The following GALNT13 variants were observed in gnomAD, a reference collection of about 807,000 sequenced individuals.
The protein encoded by GALNT13 is UDP-GalNAc:polypeptide N-acetylgalactosaminyltransferase 13.
A neutral mutation model predicts 64.2 loss-of-function variants in GALNT13; 28 were observed. The ratio of observed to expected loss-of-function variants is 0.44; its 90% CI spans 0.32 to 0.60. GALNT13 has a LOEUF of 0.60. Ranked by LOEUF, GALNT13 falls within the 20% of genes least tolerant of loss-of-function variation. The pLI is 0.05. For synonymous variants in GALNT13, 214 were observed against 224.6 expected (o/e 0.95, Z 0.42); for missense variants, 577 against 669.8 (o/e 0.86, Z 1.53).
At chr2:154,289,021 A>G (rs1043227389) in intron 8 of GALNT13, among the ~76,000 whole-genome samples, 2 of 152,150 alleles carry the variant, frequency 1.3e-5, no homozygotes, top group African/African-American at 4.8e-5. Context: ...TGAGGGCTGC[A>G]CCCCTGTAGC....
At chr2:153,103,267 CCTT>C in the GALNT13 span, among the ~76,000 whole-genome samples, 3,736 of 152,282 alleles carry the variant, frequency 0.025, 153 homozygotes, top group African/African-American at 0.086. Context: ...CGCACACTGT[CCTT>C]CTTTCTGTTC....
At chr2:153,470,456 C>T in the GALNT13 span, among the ~76,000 whole-genome samples, 1 of 152,060 alleles carries the variant, frequency 6.6e-6, no homozygotes, top group Non-Finnish European at 1.5e-5. Flanking sequence ...CCAGAGTTCT[C>T]CCAGGAAAAA....
At chr2:153,952,562 C>T (rs975988740) in intron 3 of GALNT13, among the ~76,000 whole-genome samples, 10 of 152,060 alleles carry the variant, frequency 6.6e-5, no homozygotes, top group Admixed American at 3.3e-4. Context: ...TTAGAAACTC[C>T]GGAGGTTTCT....
the GALNT13 span, among the ~76,000 whole-genome samples, chr2:153,802,912 G>A: frequency 2.0e-5 from 3 of 152,244 alleles, no homozygotes; most frequent in Non-Finnish European, 4.4e-5. Flanking sequence ...AACAGAGGAA[G>A]AGAGGATGCA....
the GALNT13 span, among the ~76,000 whole-genome samples, chr2:153,242,437 C>T: frequency 6.6e-6 from 1 of 152,194 alleles, no homozygotes; most frequent in African/African-American, 2.4e-5. Context: ...TACTATATCT[C>T]TTTGAGACAC....
In GALNT13 at chr2:154,264,562, A is replaced by T. The variant is rs1351365089; in HGVS notation, c.975+5424A>T. 2.6e-5 allele frequency among the ~76,000 whole-genome samples: 4 copies of T among 151,936 alleles called. No homozygotes were observed. The South Asian group carries it at 6.2e-4, about 24-fold the overall frequency. ...TGAGGTAGAAGAATCGCTTGAACCC[A>T]GGAGGCAGAGGTTGCAGTGAGCCGA... On this transcript the variant is annotated intron_variant, in intron 8 of 12. Transcript: ENST00000392825.
At chr2:153,898,899 G>A (rs1040136948) in intron 1 of GALNT13, among the ~76,000 whole-genome samples, 2 of 151,356 alleles carry the variant, frequency 1.3e-5, no homozygotes, top group African/African-American at 2.4e-5. Context: ...TAATAAAGGA[G>A]GGCTTGGATC....
the GALNT13 span, among the ~76,000 whole-genome samples, chr2:153,111,506 T>C: frequency 6.6e-6 from 1 of 152,010 alleles, no homozygotes; most frequent in African/African-American, 2.4e-5. Flanking sequence ...ATTCGCCCAG[T>C]GTGAGAGGAG....
chr2:153,957,366 G>A (rs1239249459), intron 3 of GALNT13, among the ~76,000 whole-genome samples: 3 of 152,174 alleles, frequency 2.0e-5, no homozygotes, highest in Admixed American at 6.5e-5. Context: ...CTACCAAAGA[G>A]CGCAACCAGC....
chr2:153,691,713 T>C, the GALNT13 span, among the ~76,000 whole-genome samples: 2 of 152,024 alleles, frequency 1.3e-5, no homozygotes, highest in East Asian at 3.9e-4. Context: ...TACCAGAAGG[T>C]CTATAAGTGA....
the GALNT13 span, among the ~76,000 whole-genome samples, chr2:153,725,257 G>A: frequency 1.3e-5 from 2 of 149,960 alleles, no homozygotes; most frequent in Admixed American, 1.3e-4. Context: ...ATTGAACAAT[G>A]AGATCACATG....
At chr2:153,455,060 A>G in the GALNT13 span, among the ~76,000 whole-genome samples, 2 of 152,196 alleles carry the variant, frequency 1.3e-5, no homozygotes, top group Admixed American at 6.5e-5. Context: ...CTGAAAGTGA[A>G]TAAGTGTTTA....
chr2:153,650,656 C>T, the GALNT13 span, among the ~76,000 whole-genome samples: 5 of 152,074 alleles, frequency 3.3e-5, no homozygotes, highest in African/African-American at 9.7e-5. Context: ...TTAGGGCAGG[C>T]CTGGTGGTGA....
At chr2:153,439,777 G>T in the GALNT13 span, among the ~76,000 whole-genome samples, 1 of 152,076 alleles carries the variant, frequency 6.6e-6, no homozygotes, top group Non-Finnish European at 1.5e-5. Flanking sequence ...TGGGTGAGGC[G>T]ATGCCTTTCC....
chr2:154,046,355 T>C (rs1455137828), intron 3 of GALNT13, among the ~76,000 whole-genome samples: 1 of 152,074 alleles, frequency 6.6e-6, no homozygotes, highest in Non-Finnish European at 1.5e-5. Context: ...CTGATAACCA[T>C]TTGTAGATAC....
At chr2:154,067,307 A>G (rs1295574536) in intron 3 of GALNT13, among the ~76,000 whole-genome samples, 4 of 152,078 alleles carry the variant, frequency 2.6e-5, no homozygotes. Context: ...CATTAAATGT[A>G]AATGGACTAA....
intron 3 of GALNT13, among the ~76,000 whole-genome samples, chr2:153,964,556 A>G (rs1453372770): frequency 6.6e-6 from 1 of 152,170 alleles, no homozygotes; most frequent in Non-Finnish European, 1.5e-5. Flanking sequence ...TTTATTTTTA[A>G]AATTCATTAT....
chr2:154,132,743 A>C (rs1273486418), intron 3 of GALNT13, among the ~76,000 whole-genome samples: 2 of 152,094 alleles, frequency 1.3e-5, no homozygotes, highest in Non-Finnish European at 1.5e-5. Flanking sequence ...ATAAAAAAAA[A>C]AATTAGCTGG....
the GALNT13 span, among the ~76,000 whole-genome samples, chr2:153,368,584 A>G: frequency 6.6e-6 from 1 of 152,192 alleles, no homozygotes; most frequent in African/African-American, 2.4e-5. Context: ...AAAGAAGGTC[A>G]TTACATGACG....
Sources: gnomAD v4.1 joint callset for allele counts (sites outside exome capture counted in the v4.1 genomes callset) on GRCh38, gnomAD v4.1.1 for gene constraint, MANE v1.5 for transcripts, NCBI Gene and HGNC (gene_info 2026-07-23, HGNC 2026-07-21) for gene names.